Variants in DNAH14 observed in about 807,000 individuals in gnomAD.
DNAH14 encodes axonemal beta dynein heavy chain 14.
Under a neutral mutation model 520.9 loss-of-function variants are expected in DNAH14, and 478 were observed. That is an observed-to-expected ratio of 0.92 (90% CI 0.85 to 0.99). DNAH14 has a LOEUF of 0.99. Ranked by LOEUF, DNAH14 falls within the 50% of genes least tolerant of loss-of-function variation. DNAH14 has a pLI of 0.00. For missense variants in DNAH14, 4,831 were observed against 5,234.5 expected, an observed-to-expected ratio of 0.92 and a Z score of 2.38; for synonymous variants, 1,581 against 1,757.2, an observed-to-expected ratio of 0.90 and a Z score of 2.51.
chr1:225,390,155 T>C (rs1474245704), intron 83 of DNAH14, among the ~76,000 whole-genome samples: 4 of 152,236 alleles, frequency 2.6e-5, no homozygotes, highest in South Asian at 4.2e-4. Context: ...TTCTATGATG[T>C]CAAAGGTCAA....
chr1:225,275,120 T>A (rs2093434845), intron 52 of DNAH14, among the ~76,000 whole-genome samples: 1 of 152,314 alleles, frequency 6.6e-6, no homozygotes, highest in African/African-American at 2.4e-5. Flanking sequence ...ACCTAGGATA[T>A]CTAATGACAT....
chr1:225,195,809 G>A (rs1266666809), intron 38 of DNAH14, among the ~76,000 whole-genome samples: 1 of 151,874 alleles, frequency 6.6e-6, no homozygotes, highest in African/African-American at 2.4e-5. Context: ...AACAATGATA[G>A]GCACTTTTTT....
chr1:225,011,867 T>G (rs1161819617), intron 10 of DNAH14, among the ~76,000 whole-genome samples: 2 of 149,374 alleles, frequency 1.3e-5, no homozygotes, highest in African/African-American at 4.9e-5. Context: ...ATGTGTCTCC[T>G]GAATACAGCA....
At chr1:225,175,753 G>C (rs1236372810) in intron 36 of DNAH14, among the ~76,000 whole-genome samples, 2 of 129,860 alleles carry the variant, frequency 1.5e-5, no homozygotes, top group African/African-American at 3.1e-5. Flanking sequence ...CCCCTAACTA[G>C]AGTGCACTGG....
At chr1:224,949,180 A>AT (rs1171525530) in intron 1 of DNAH14, among the ~76,000 whole-genome samples, 1 of 152,048 alleles carries the variant, frequency 6.6e-6, no homozygotes, top group Non-Finnish European at 1.5e-5. Flanking sequence ...ATATTGTATC[A>AT]TTTTCTTGGT....
intron 2 of DNAH14, among the ~76,000 whole-genome samples, chr1:224,953,494 T>C (rs1219363474): frequency 2.0e-5 from 3 of 152,146 alleles, no homozygotes; most frequent in Non-Finnish European, 1.5e-5. Context: ...GCCAAGAATA[T>C]GTAAAACACT....
At chr1:225,169,829 A>C (rs1398260776) in intron 36 of DNAH14, among the ~76,000 whole-genome samples, 2 of 152,224 alleles carry the variant, frequency 1.3e-5, no homozygotes, top group Admixed American at 6.5e-5. Context: ...AGATTCACCA[A>C]AGTTGAAATG....
chr1:225,206,314 T>C (rs1166273318), intron 40 of DNAH14, 135 bp downstream of exon 40: 2 of 759,836 alleles, frequency 2.6e-6, no homozygotes, highest in Non-Finnish European at 4.1e-6. Context: ...TAGTTTCAAA[T>C]CTTTGTGTCT....
chr1:225,142,408 A>G (rs2079540292), intron 28 of DNAH14, among the ~76,000 whole-genome samples: 1 of 152,214 alleles, frequency 6.6e-6, no homozygotes. Context: ...GACACCAAAC[A>G]TACTAGCAGC....
chr1:224,962,036 A>G (rs1030320157), intron 4 of DNAH14, among the ~76,000 whole-genome samples: 1 of 152,182 alleles, frequency 6.6e-6, no homozygotes, highest in African/African-American at 2.4e-5. Context: ...CAATTATTAA[A>G]TATTTCAAAT....
chr1:225,005,692 A>G (rs1247571258), intron 9 of DNAH14, among the ~76,000 whole-genome samples: 4 of 152,166 alleles, frequency 2.6e-5, no homozygotes, highest in African/African-American at 9.6e-5. Flanking sequence ...TAATTTTTAT[A>G]ATATAACTAT....
At chr1:225,342,097 A>G (rs1012356564) in intron 69 of DNAH14, among the ~76,000 whole-genome samples, 43 of 152,300 alleles carry the variant, frequency 2.8e-4, no homozygotes, top group African/African-American at 9.6e-4. Context: ...ATTACATATT[A>G]TTTGTCTAAT....
chr1:225,258,443 A>G lies in DNAH14; in HGVS notation c.7024+325A>G, dbSNP rs912536486. 4.6e-5 allele frequency among the ~76,000 whole-genome samples: 7 copies of G among 152,312 alleles called. No homozygotes were observed. In the East Asian group the frequency reaches 9.6e-4, roughly 21 times the overall value. ...TGGTAACATTGATTGGTTTACTTAC[A>G]TGTACACATTCAATGGGATTCCCCA... is the stretch of plus-strand genomic sequence containing the variant. On this transcript the variant is annotated intron_variant, in intron 45 of 85. Transcript: ENST00000682510.
At chr1:225,314,149 T>C (rs994238921) in intron 60 of DNAH14, among the ~76,000 whole-genome samples, 3 of 152,230 alleles carry the variant, frequency 2.0e-5, no homozygotes, top group Non-Finnish European at 4.4e-5. Flanking sequence ...GTATTTAGGA[T>C]AGTTAGCTCT....
chr1:225,278,254 C>T (rs1574477292), intron 54 of DNAH14, among the ~76,000 whole-genome samples: 2 of 152,234 alleles, frequency 1.3e-5, no homozygotes, highest in East Asian at 3.9e-4. Flanking sequence ...TTTTACTAAC[C>T]TAACTCATAA....
Position 225,043,130 on chromosome 1 carries a change from CT to C in DNAH14, c.1768+17del, listed in dbSNP as rs1293292382. The stretch of plus-strand genomic sequence containing the variant: ...ATTATTTCAGGTAAGACAATTGAGA[CT>C]ATAAAGAATGAGGGGTTGCCAGGTG... On this transcript the variant is annotated intron_variant, in intron 13 of 85. Transcript: ENST00000682510. 2 of 1,540,598 alleles carry C rather than the reference CT, an allele frequency of 1.3e-6. No homozygotes were observed. The highest frequency in any genetic ancestry group is 1.8e-6 in the Non-Finnish European group (2 of 1,142,816).
rs759840025 is a variant in DNAH14, at chr1:225,038,824, G to T, written c.1488+1G>T. 49 of 1,475,510 alleles carry T rather than the reference G, an allele frequency of 3.3e-5. No individual in the cohort carries two copies. Among genetic ancestry groups the T allele is most frequent in the Non-Finnish European group, 4.3e-5 (48 of 1,114,646 alleles). The allele number at this position is 1,475,510 out of a possible 1,614,324, so 91.4% of individuals were successfully genotyped here. A position where few individuals can be genotyped will look rare whatever the true frequency, so the allele number is the denominator to read the frequency against. On this transcript the variant is annotated splice_donor_variant, in intron 12 of 85. Coordinates refer to ENST00000682510, the MANE Select transcript of DNAH14 (RefSeq NM_001367479.1). LOFTEE classifies it high-confidence loss of function. ...AAAAACAGACACTGATATTAATGAG[G>T]TAAAATGATCTTTGAAAAATATAAA...
At chr1:224,971,650 T>C (rs1480670956) in intron 7 of DNAH14, among the ~76,000 whole-genome samples, 1 of 152,166 alleles carries the variant, frequency 6.6e-6, no homozygotes, top group African/African-American at 2.4e-5. Flanking sequence ...GATGTGGCAG[T>C]GAAGCAGAGA....
intron 27 of DNAH14, among the ~76,000 whole-genome samples, chr1:225,136,554 G>A (rs994289863): frequency 8.5e-5 from 13 of 152,084 alleles, no homozygotes; most frequent in Non-Finnish European, 1.9e-4. Context: ...CCTTGTAGGT[G>A]ACCTAGCTTT....
Sources: gnomAD v4.1 joint callset for allele counts (sites outside exome capture counted in the v4.1 genomes callset) on GRCh38, gnomAD v4.1.1 for gene constraint, MANE v1.5 for transcripts, NCBI Gene and HGNC (gene_info 2026-07-23, HGNC 2026-07-21) for gene names.